The following PHF21B variants were observed in gnomAD, a reference collection of about 807,000 sequenced individuals.
The protein encoded by PHF21B is PHD finger protein 4.
In PHF21B, 22 loss-of-function variants were observed where a neutral mutation model predicts 62.2. The ratio of observed to expected loss-of-function variants is 0.35; its 90% CI spans 0.25 to 0.51. PHF21B has a LOEUF of 0.51. Among genes scored for constraint, PHF21B ranks in the 20% least tolerant of loss-of-function variants. The probability of loss-of-function intolerance (pLI) is 0.97; values close to 1 mark genes in which losing one functional copy is unlikely to be tolerated. For missense variants in PHF21B, 701 were observed against 707.9 expected (o/e 0.99, Z 0.11); for synonymous variants, 341 against 314.7 (o/e 1.08, Z -0.88).
intron 2 of PHF21B, among the ~76,000 whole-genome samples, chr22:44,943,032 C>CCAAGAG (rs1569243574): frequency 6.6e-6 from 1 of 150,674 alleles, no homozygotes; most frequent in Non-Finnish European, 1.5e-5. Context: ...CTGACCAAAG[C>CCAAGAG]CAAGAGCACA....
At chr22:44,942,251 C>G (rs2071972822) in intron 2 of PHF21B, among the ~76,000 whole-genome samples, 15 of 152,216 alleles carry the variant, frequency 9.9e-5, no homozygotes, top group Admixed American at 9.8e-4. Flanking sequence ...GGACACAGAT[C>G]CAGGCCACCG....
rs575185320 is a variant in PHF21B at position 44,945,737 on chromosome 22, C to T, written c.121-25247G>A. Reference sequence around the variant, plus strand: ...GAATTGGGGGGGGGGTGGTATAAAGCAGTCCTGCTTACCTTGACCTTGGCA... The same window carrying T: ...GAATTGGGGGGGGGGTGGTATAAAGTAGTCCTGCTTACCTTGACCTTGGCA... On this transcript the variant is annotated intron_variant, in intron 2 of 12. Coordinates refer to ENST00000313237, the MANE Select transcript of PHF21B (RefSeq NM_138415.5). Among the ~76,000 whole-genome samples the T allele has an allele frequency of 1.2e-3, 186 of 150,094 alleles. 2 individuals carry two copies. The highest frequency in any genetic ancestry group is 4.4e-3 in the African/African-American group (180 of 40,586).
At chr22:44,916,943 T>C (rs1029226786) in intron 3 of PHF21B, among the ~76,000 whole-genome samples, 2 of 152,226 alleles carry the variant, frequency 1.3e-5, no homozygotes, top group Middle Eastern at 3.2e-3. Flanking sequence ...GGGGACAGTC[T>C]GTGCAGTGTG....
chr22:44,972,803 G>A (rs865880338), intron 2 of PHF21B, among the ~76,000 whole-genome samples: 3 of 152,196 alleles, frequency 2.0e-5, no homozygotes, highest in South Asian at 2.1e-4. Context: ...CAAAGGAGCT[G>A]TGTGTCCGTC....
At chr22:44,977,106 T>C (rs1051042966) in intron 2 of PHF21B, among the ~76,000 whole-genome samples, 1 of 151,792 alleles carries the variant, frequency 6.6e-6, no homozygotes, top group Non-Finnish European at 1.5e-5. Flanking sequence ...GATGACAGAA[T>C]GACACCCTGT....
intron 5 of PHF21B, among the ~76,000 whole-genome samples, chr22:44,911,476 A>G (rs879314629): frequency 2.8e-4 from 42 of 152,242 alleles, no homozygotes; most frequent in South Asian, 1.7e-3. Flanking sequence ...TGTGCAGTCT[A>G]GGGACTTAGT....
At chr22:44,996,713 CAT>C (rs2073128598) in intron 2 of PHF21B, among the ~76,000 whole-genome samples, 1 of 151,978 alleles carries the variant, frequency 6.6e-6, no homozygotes, top group African/African-American at 2.4e-5. Context: ...CACATGCAGA[CAT>C]ATACACATGC....
At chr22:44,916,651 T>C (rs370453224) in intron 3 of PHF21B, 21 bp from the exon 4 acceptor site, 104 of 1,595,378 alleles carry the variant, frequency 6.5e-5, no homozygotes, top group Non-Finnish European at 8.6e-5. Context: ...GGGACAGGTA[T>C]GTGGTCAGAC....
chr22:44,948,005 T>TTGTCCCTCCTCCCCGCTGA (rs1569247127), intron 2 of PHF21B, among the ~76,000 whole-genome samples: 1 of 151,956 alleles, frequency 6.6e-6, no homozygotes, highest in Non-Finnish European at 1.5e-5. Context: ...CTCCCCGCTG[T>TTGTCCCTCCTCCCCGCTGA]TGTCCCTCCT....
chr22:44,985,302 C>T (rs952081758), intron 2 of PHF21B, among the ~76,000 whole-genome samples: 1 of 152,166 alleles, frequency 6.6e-6, no homozygotes, highest in Non-Finnish European at 1.5e-5. Flanking sequence ...CTTTCACTAC[C>T]TCCATTTTAC....
intron 10 of PHF21B, among the ~76,000 whole-genome samples, 188 bp from the exon 11 acceptor site, chr22:44,886,126 C>T (rs56356392): frequency 0.044 from 6,740 of 152,116 alleles, 230 homozygotes; most frequent in African/African-American, 0.093. Context: ...CTCCACGAGG[C>T]TGGAACATTC....
intron 2 of PHF21B, among the ~76,000 whole-genome samples, chr22:44,946,496 G>A (rs2072074644): frequency 6.6e-6 from 1 of 152,088 alleles, no homozygotes; most frequent in African/African-American, 2.4e-5. Flanking sequence ...GGAAAGTCCT[G>A]TTATTATGGA....
chr22:44,895,869 C>G (rs1182825119), intron 6 of PHF21B, among the ~76,000 whole-genome samples, 163 bp downstream of exon 6: 2 of 152,186 alleles, frequency 1.3e-5, no homozygotes, highest in Admixed American at 1.3e-4. Context: ...CACTGCCATC[C>G]GAGCCGGGAC....
chr22:44,940,040 G>A (rs2071925794), intron 2 of PHF21B, among the ~76,000 whole-genome samples: 1 of 152,106 alleles, frequency 6.6e-6, no homozygotes, highest in South Asian at 2.1e-4. Context: ...AGTGGGGTGG[G>A]GACTCAGGCA....
intron 2 of PHF21B, among the ~76,000 whole-genome samples, chr22:44,975,284 G>T (rs2072715385): frequency 6.6e-6 from 1 of 152,182 alleles, no homozygotes. Context: ...CCCAAGGAGT[G>T]ACCAGCACCT....
chr22:44,978,473 C>T (rs547951349), intron 2 of PHF21B, among the ~76,000 whole-genome samples: 13 of 152,326 alleles, frequency 8.5e-5, no homozygotes, highest in Admixed American at 2.6e-4. Context: ...GATTCTCCTG[C>T]TTCAACCTCC....
chr22:44,895,997 C>T (rs771040848), intron 6 of PHF21B, 35 bp downstream of exon 6: 14 of 1,613,850 alleles, frequency 8.7e-6, no homozygotes, highest in Non-Finnish European at 1.2e-5. Flanking sequence ...GGGTCAGTCC[C>T]AGCCCAACCT....
At chr22:44,888,145 G>A (rs1177749272) in intron 9 of PHF21B, 24 bp from the exon 10 acceptor site, 1 of 1,497,862 alleles carries the variant, frequency 6.7e-7, no homozygotes, top group Admixed American at 2.1e-5. Context: ...GAGGGCAGGA[G>A]ACAGGTCAGC....
Position 44,938,898 on chromosome 22 carries a change from G to C in PHF21B, c.121-18408C>G, listed in dbSNP as rs146125687. Reference sequence around the variant, plus strand: ...CCAGGAAGGCACTAAGGAAGGACTCGTGTCTCGCTTCTCTGCTATGCATTG... The same window carrying C: ...CCAGGAAGGCACTAAGGAAGGACTCCTGTCTCGCTTCTCTGCTATGCATTG... On this transcript the variant is annotated intron_variant, in intron 2 of 12. Transcript: ENST00000313237. Among the ~76,000 whole-genome samples the C allele has an allele frequency of 1.0e-3, 159 of 152,286 alleles. 1 individual carries two copies. Among genetic ancestry groups the C allele is most frequent in the East Asian group, 6.8e-3 (35 of 5,182 alleles).
Sources: allele counts gnomAD v4.1 joint callset (sites outside exome capture counted in the v4.1 genomes callset), GRCh38; gene constraint gnomAD v4.1.1; transcripts MANE v1.5; gene names NCBI Gene and HGNC (gene_info 2026-07-23, HGNC 2026-07-21).